The following DPP4 variants were observed in gnomAD, a reference collection of about 807,000 sequenced individuals.
The protein encoded by DPP4 is ADCP-2.
In DPP4, 93 loss-of-function variants were observed where a neutral mutation model predicts 122.4. That is an observed-to-expected ratio of 0.76 (90% CI 0.64 to 0.90). The LOEUF (loss-of-function observed/expected upper bound fraction) is 0.90. Ranked by LOEUF, DPP4 falls within the 40% of genes least tolerant of loss-of-function variation. The pLI, the probability that DPP4 is intolerant of heterozygous loss-of-function variation, is 0.00. For missense variants in DPP4, 914 were observed against 907.3 expected (o/e 1.01, Z -0.09); for synonymous variants, 321 against 302.9 (o/e 1.06, Z -0.62).
intron 10 of DPP4, among the ~76,000 whole-genome samples, chr2:162,029,763 G>A (rs527329003): frequency 6.6e-6 from 1 of 152,088 alleles, no homozygotes; most frequent in Non-Finnish European, 1.5e-5. Context: ...CAGATGTTGG[G>A]TGGGGTTACT....
intron 2 of DPP4, among the ~76,000 whole-genome samples, chr2:162,056,819 T>G (rs1420296731): frequency 6.6e-6 from 1 of 152,166 alleles, no homozygotes; most frequent in Non-Finnish European, 1.5e-5. Context: ...GGTCAGAAGA[T>G]TTGTAACTTC....
chr2:162,037,560 T>A (rs1683822696), intron 8 of DPP4, among the ~76,000 whole-genome samples: 1 of 152,184 alleles, frequency 6.6e-6, no homozygotes, highest in South Asian at 2.1e-4. Flanking sequence ...AATAATACGA[T>A]GAAATACAGA....
intron 2 of DPP4, among the ~76,000 whole-genome samples, chr2:162,071,218 T>C (rs1685104183): frequency 6.6e-6 from 1 of 152,212 alleles, no homozygotes; most frequent in Non-Finnish European, 1.5e-5. Context: ...TGGATCCTTT[T>C]ATAATCCCTA....
intron 8 of DPP4, among the ~76,000 whole-genome samples, chr2:162,036,379 A>G (rs1205368241): frequency 6.6e-6 from 1 of 152,194 alleles, no homozygotes; most frequent in Non-Finnish European, 1.5e-5. Flanking sequence ...TGAGCAGCTG[A>G]CATTCAATGA....
intron 25 of DPP4, among the ~76,000 whole-genome samples, chr2:161,994,349 G>A (rs1010426921): frequency 1.2e-4 from 19 of 152,240 alleles, no homozygotes; most frequent in African/African-American, 2.9e-4. Context: ...TTAAAAATAC[G>A]TTTTCCTTCA....
intron 19 of DPP4, among the ~76,000 whole-genome samples, chr2:162,012,239 A>C (rs1682729119): frequency 6.6e-6 from 1 of 152,162 alleles, no homozygotes; most frequent in South Asian, 2.1e-4. Context: ...TCATAGGCCA[A>C]GATTTTAGAA....
At chr2:162,054,028 G>A (rs1034679384) in intron 2 of DPP4, among the ~76,000 whole-genome samples, 2 of 152,158 alleles carry the variant, frequency 1.3e-5, no homozygotes, top group Admixed American at 6.5e-5. Flanking sequence ...AAGCCTTACT[G>A]GGGGGGTGGG....
At chr2:162,032,607 A>C (rs950081068) in intron 10 of DPP4, among the ~76,000 whole-genome samples, 28 of 151,954 alleles carry the variant, frequency 1.8e-4, no homozygotes, top group African/African-American at 6.3e-4. Flanking sequence ...TGAACCTGGG[A>C]GGCAGAGGTT....
At chr2:162,003,593 G>T (rs1406224793) in intron 23 of DPP4, among the ~76,000 whole-genome samples, 2 of 152,150 alleles carry the variant, frequency 1.3e-5, no homozygotes, top group African/African-American at 4.8e-5. Context: ...TCAAGTGAGG[G>T]ATTGGGATCC....
intron 2 of DPP4, among the ~76,000 whole-genome samples, chr2:162,050,468 T>C (rs1190718837): frequency 6.6e-6 from 1 of 152,140 alleles, no homozygotes; most frequent in Non-Finnish European, 1.5e-5. Context: ...TCCCTGTGAA[T>C]TGGATCCATA....
intron 19 of DPP4, among the ~76,000 whole-genome samples, chr2:162,012,268 A>G (rs1050232709): frequency 5.9e-5 from 9 of 152,192 alleles, no homozygotes; most frequent in Non-Finnish European, 1.5e-5. Context: ...GTAATCTTGG[A>G]AATCAAAGAA....
intron 8 of DPP4, among the ~76,000 whole-genome samples, chr2:162,037,022 G>A (rs574466866): frequency 2.0e-4 from 31 of 152,188 alleles, no homozygotes; most frequent in Non-Finnish European, 4.0e-4. Flanking sequence ...GTAATTAGCA[G>A]GTAGTGATGT....
chr2:162,003,925 G>A (rs1314003441), intron 23 of DPP4, among the ~76,000 whole-genome samples: 1 of 152,114 alleles, frequency 6.6e-6, no homozygotes, highest in Non-Finnish European at 1.5e-5. Flanking sequence ...ATAAAATGAG[G>A]ATTCAGAGAT....
At chr2:162,007,255 TG>T (rs1000651089) in intron 22 of DPP4, among the ~76,000 whole-genome samples, 2 of 152,114 alleles carry the variant, frequency 1.3e-5, no homozygotes, top group Non-Finnish European at 2.9e-5. Flanking sequence ...GTACGTTAGA[TG>T]GGAAAAATGG....
chr2:162,060,142 T>A (rs979605070), intron 2 of DPP4, among the ~76,000 whole-genome samples: 1 of 152,222 alleles, frequency 6.6e-6, no homozygotes, highest in Non-Finnish European at 1.5e-5. Context: ...GGAACAGTGA[T>A]TGCATGTGGT....
intron 19 of DPP4, among the ~76,000 whole-genome samples, chr2:162,013,946 T>C (rs1325320276): frequency 6.6e-6 from 1 of 152,160 alleles, no homozygotes; most frequent in African/African-American, 2.4e-5. Flanking sequence ...CCTCTATCAC[T>C]TCTCTTCACC....
chr2:162,058,259 G>A (rs895666583), intron 2 of DPP4, among the ~76,000 whole-genome samples: 5 of 152,236 alleles, frequency 3.3e-5, no homozygotes, highest in African/African-American at 7.2e-5. Flanking sequence ...CCATGCAGCT[G>A]TAACTTCTGC....
intron 10 of DPP4, among the ~76,000 whole-genome samples, chr2:162,031,848 G>A (rs544700622): frequency 3.3e-5 from 5 of 152,234 alleles, no homozygotes; most frequent in South Asian, 2.1e-4. Context: ...TAGAAACAGA[G>A]GCTGCCCATC....
chr2:162,013,587 C>T (rs913900587), intron 19 of DPP4, among the ~76,000 whole-genome samples: 4 of 151,870 alleles, frequency 2.6e-5, no homozygotes, highest in Admixed American at 6.6e-5. Context: ...TGTCTTTTTC[C>T]GTATAATGGA....
Sources: gnomAD v4.1 joint callset for allele counts (sites outside exome capture counted in the v4.1 genomes callset) on GRCh38, gnomAD v4.1.1 for gene constraint, MANE v1.5 for transcripts, NCBI Gene and HGNC (gene_info 2026-07-23, HGNC 2026-07-21) for gene names.